Variants in SIL1 observed in about 807,000 individuals in gnomAD.
SIL1 encodes the protein SIL1 nucleotide exchange factor.
In SIL1, 40 loss-of-function variants were observed where a neutral mutation model predicts 49.1. The observed-to-expected ratio is 0.81, with a 90% CI of 0.63 to 1.06. The LOEUF is 1.06. Ranked by LOEUF, SIL1 falls within the 50% of genes least tolerant of loss-of-function variation. The pLI, the probability that SIL1 is intolerant of heterozygous loss-of-function variation, is 0.00. For missense variants in SIL1, 500 were observed against 572.6 expected (o/e 0.87, Z 1.29); for synonymous variants, 253 against 250.8 (o/e 1.01, Z -0.08).
At chr5:139,028,197 T>C (rs1768703265) in intron 5 of SIL1, among the ~76,000 whole-genome samples, 1 of 147,572 alleles carries the variant, frequency 6.8e-6, no homozygotes, top group Admixed American at 6.8e-5. Flanking sequence ...CAAGAAGGCC[T>C]CAAAAAAAAA....
chr5:139,071,200 GAAA>G (rs1554130669), intron 3 of SIL1, among the ~76,000 whole-genome samples: 1 of 17,550 alleles, frequency 5.7e-5, no homozygotes, highest in Non-Finnish European at 1.4e-4. Flanking sequence ...AGAAGAAGAA[GAAA>G]AAAAAAAGCA....
chr5:138,952,253 C>T lies in SIL1; in HGVS notation c.768-369G>A, dbSNP rs139987513. On this transcript the variant is annotated intron_variant, in intron 7 of 9. Coordinates refer to ENST00000394817, the MANE Select transcript of SIL1 (RefSeq NM_022464.5). ...TTCTTGGCGCTTCCCAAGCCAGTGC[C>T]GGATGTTCCTTCCTCCATGACCCAA... is the stretch of plus-strand genomic sequence containing the variant. Among the ~76,000 whole-genome samples, 8 of 152,370 alleles carry T rather than the reference C, an allele frequency of 5.3e-5. No individual in the cohort carries two copies. In the South Asian group the frequency reaches 1.2e-3, roughly 24 times the overall value.
Position 138,947,441 on chromosome 5 carries a change from C to T in SIL1, c.1062G>A (p.Gln354=). ...MFAEEEAELT[Q]EMSPEKLQQY... ...GCTGCAGCTTCTCTGGGGACATCTC[C>T]TGGGTCAGCTCAGCCTCCTCCTCGG... Residue 354 remains glutamine (Q), a synonymous_variant, in exon 10 of 10, where the codon CAG becomes CAA. Transcript: ENST00000394817. This position sits in a 1 kb window ranked among gnomAD's most constrained non-coding sequence, Gnocchi z 4.1. 1 of 1,613,578 alleles carries T rather than the reference C, an allele frequency of 6.2e-7. No individual in the cohort carries two copies. The highest frequency in any genetic ancestry group is 8.5e-7 in the Non-Finnish European group (1 of 1,180,034).
At chr5:139,100,444 G>A (rs1357034046) in intron 3 of SIL1, among the ~76,000 whole-genome samples, 1 of 152,222 alleles carries the variant, frequency 6.6e-6, no homozygotes, top group Non-Finnish European at 1.5e-5. Context: ...CCGCATCACA[G>A]AGCTGTGCAG....
chr5:139,155,796 G>A (rs985637427), intron 1 of SIL1, among the ~76,000 whole-genome samples: 3 of 152,128 alleles, frequency 2.0e-5, no homozygotes, highest in African/African-American at 7.2e-5. Flanking sequence ...GGGCACAGGA[G>A]GCCAAGGCAG....
intron 7 of SIL1, chr5:139,014,184 A>G (rs1325718841): frequency 6.6e-6 from 1 of 152,078 alleles, no homozygotes; most frequent in African/African-American, 2.4e-5. Flanking sequence ...CCTGACCAAC[A>G]TGGAGAAACC....
chr5:139,045,747 A>G (rs1161825756), intron 4 of SIL1, among the ~76,000 whole-genome samples: 1 of 152,202 alleles, frequency 6.6e-6, no homozygotes, highest in Non-Finnish European at 1.5e-5. Context: ...AATAAATAGT[A>G]CCAACAACCA....
At chr5:139,092,127 G>A (rs1165584860) in intron 3 of SIL1, among the ~76,000 whole-genome samples, 1 of 152,162 alleles carries the variant, frequency 6.6e-6, no homozygotes, top group Non-Finnish European at 1.5e-5. Flanking sequence ...GAAACCCCTG[G>A]CAGGCTGCAT....
intron 7 of SIL1, among the ~76,000 whole-genome samples, chr5:138,990,652 T>A (rs950635505): frequency 3.9e-5 from 6 of 152,030 alleles, no homozygotes; most frequent in African/African-American, 1.2e-4. Flanking sequence ...GGTCCCAAAT[T>A]CCAGGGCTCA....
chr5:139,123,586 G>A lies in SIL1; in HGVS notation c.106-2413C>T, dbSNP rs1442184747. 4.6e-5 allele frequency among the ~76,000 whole-genome samples: 7 copies of A among 152,290 alleles called. No individual in the cohort carries two copies. In the East Asian group the frequency reaches 1.4e-3, roughly 29 times the overall value. On this transcript the variant is annotated intron_variant, in intron 2 of 9. Transcript: ENST00000394817. The stretch of plus-strand genomic sequence containing the variant: ...CCAGAGCCTACATACACTAGGATCA[G>A]CCCTGGTCAGAAGCATTAGACTGCA...
At chr5:138,982,598 A>C (rs1208620099) in intron 7 of SIL1, among the ~76,000 whole-genome samples, 1 of 152,226 alleles carries the variant, frequency 6.6e-6, no homozygotes, top group Non-Finnish European at 1.5e-5. Context: ...GAGCAGGAGA[A>C]TATTCCCCAC....
chr5:139,092,058 T>C (rs75988601), intron 3 of SIL1, among the ~76,000 whole-genome samples: 1 of 152,260 alleles, frequency 6.6e-6, no homozygotes, highest in African/African-American at 2.4e-5. Context: ...CCAGCCCTCC[T>C]TGCCTGACCA....
At chr5:139,112,080 C>T (rs1276565102) in intron 3 of SIL1, among the ~76,000 whole-genome samples, 1 of 152,236 alleles carries the variant, frequency 6.6e-6, no homozygotes, top group Non-Finnish European at 1.5e-5. Flanking sequence ...CTCCTAACCG[C>T]GAGTGATCCG....
intron 3 of SIL1, among the ~76,000 whole-genome samples, chr5:139,060,348 C>T (rs188345675): frequency 9.9e-5 from 15 of 151,664 alleles, no homozygotes; most frequent in African/African-American, 2.9e-4. Context: ...CCAATGGTCC[C>T]GAAACAAGAA....
At position 138,947,146 on chromosome 5, in the gene SIL1, C is replaced by CA. The variant is rs745831591; in HGVS notation, c.1356dup (p.Val453CysfsTer22). The CA allele has an allele frequency of 1.2e-6, 2 of 1,613,606 alleles. No individual in the cohort carries two copies. The highest frequency in any genetic ancestry group is 1.7e-6 in the Non-Finnish European group (2 of 1,179,826). On this transcript the variant is annotated frameshift_variant, in exon 10 of 10. Coordinates refer to ENST00000394817, the MANE Select transcript of SIL1 (RefSeq NM_022464.5). LOFTEE classifies it high-confidence loss of function. This position sits in a 1 kb window ranked among gnomAD's most constrained non-coding sequence, Gnocchi z 4.1. ...CTCAGCTCCTTCAGCAAGCTGTTGA[C>CA]AGAGCCCAGCAGCTCCTGGAAGTAG... is the stretch of plus-strand genomic sequence containing the variant.
In SIL1 at chr5:138,964,852, G is replaced by C. The variant is rs556163400; in HGVS notation, c.768-12968C>G. Among the ~76,000 whole-genome samples the C allele has an allele frequency of 2.6e-5, 4 of 152,376 alleles. No homozygotes were observed. In the South Asian group the frequency reaches 8.3e-4, roughly 32 times the overall value. ...ACTGACATATGCACAGCAGTTTTCA[G>C]CTGCCTGCAAATGGGGCAAGGACAC... On this transcript the variant is annotated intron_variant, in intron 7 of 9. Transcript: ENST00000394817.
chr5:139,087,976 C>T (rs570984211), intron 3 of SIL1, among the ~76,000 whole-genome samples: 30 of 152,306 alleles, frequency 2.0e-4, no homozygotes, highest in East Asian at 1.4e-3. Flanking sequence ...CCAGCCAAGG[C>T]AGCTGGCATC....
At chr5:138,977,674 G>A (rs2150396943) in intron 7 of SIL1, among the ~76,000 whole-genome samples, 1 of 152,192 alleles carries the variant, frequency 6.6e-6, no homozygotes, top group East Asian at 1.9e-4. Flanking sequence ...ATCAGATCTT[G>A]TTACTCCCTT....
At chr5:139,030,619 A>T (rs1768765698) in intron 5 of SIL1, among the ~76,000 whole-genome samples, 1 of 151,908 alleles carries the variant, frequency 6.6e-6, no homozygotes, top group Non-Finnish European at 1.5e-5. Flanking sequence ...CTGTCAAAAA[A>T]AAAAAAGCAA....
Sources: gnomAD v4.1 joint callset for allele counts (sites outside exome capture counted in the v4.1 genomes callset) on GRCh38, gnomAD v4.1.1 for gene constraint, Gnocchi (gnomAD v3.1) non-coding constraint, MANE v1.5 for transcripts, NCBI Gene and HGNC (gene_info 2026-07-23, HGNC 2026-07-21) for gene names.